Variants in DGCR2 observed in about 807,000 individuals in gnomAD.
The protein encoded by DGCR2 is DiGeorge syndrome critical region gene 2.
DGCR2 carries 24 observed loss-of-function variants against 51.6 expected under a neutral mutation model. That is an observed-to-expected ratio of 0.47 (90% CI 0.34 to 0.65). The LOEUF (loss-of-function observed/expected upper bound fraction) is 0.65, where lower values mean the gene tolerates loss of function less well. DGCR2 is among the 30% of genes least tolerant of loss of function. The probability of loss-of-function intolerance (pLI) is 0.01; values close to 1 mark genes in which losing one functional copy is unlikely to be tolerated. For missense variants in DGCR2, 765 were observed against 772.1 expected, an observed-to-expected ratio of 0.99 and a Z score of 0.11; for synonymous variants, 340 against 315.4, an observed-to-expected ratio of 1.08 and a Z score of -0.82.
Position 19,041,138 on chromosome 22 carries a change from G to A in DGCR2, c.1316C>T (p.Pro439Leu), listed in dbSNP as rs753298077. Residue 439 changes from proline to leucine, a missense_variant, in exon 9 of 10, where the codon CCG becomes CTG. This residue lies in a region of DGCR2 where 205 missense variants were observed against 181.4 expected (regional missense o/e 1.13). Transcript: ENST00000263196. The part of the protein sequence containing the change: ...PPPPYTAYKY[P>L]DIGQPDDPPP... ...AGGGTCGTCGGGCTGGCCGATGTCC[G>A]GGTACTTGTATGCCGTGTAGGGAGG... The A allele has an allele frequency of 1.5e-5, 25 of 1,613,888 alleles. No homozygotes were observed. The highest frequency in any genetic ancestry group is 3.3e-5 in the South Asian group (3 of 91,074).
At chr22:19,101,465 G>A (rs1402433458) in intron 1 of DGCR2, among the ~76,000 whole-genome samples, 1 of 152,124 alleles carries the variant, frequency 6.6e-6, no homozygotes, top group East Asian at 1.9e-4. Flanking sequence ...GTGGGGCCTG[G>A]CATGGTGGCT....
At chr22:19,049,655 T>C (rs1312853868) in intron 6 of DGCR2, among the ~76,000 whole-genome samples, 4 of 151,990 alleles carry the variant, frequency 2.6e-5, no homozygotes, top group South Asian at 2.1e-4. Context: ...GGCAAAACCC[T>C]GTCTCCACTA....
chr22:19,076,879 G>A (rs934556412), intron 2 of DGCR2, among the ~76,000 whole-genome samples: 4 of 151,478 alleles, frequency 2.6e-5, no homozygotes, highest in Admixed American at 6.6e-5. Flanking sequence ...TAAGGCGCCC[G>A]CCACCACACC....
chr22:19,086,879 C>T (rs114757200), intron 2 of DGCR2, among the ~76,000 whole-genome samples: 336 of 152,264 alleles, frequency 2.2e-3, no homozygotes, highest in African/African-American at 7.7e-3. Context: ...GTCTTCAGAG[C>T]GTGGAAAGAT....
intron 9 of DGCR2, among the ~76,000 whole-genome samples, chr22:19,039,564 G>A (rs769796318): frequency 3.9e-5 from 6 of 152,180 alleles, no homozygotes; most frequent in African/African-American, 9.7e-5. Context: ...GAACATTCAG[G>A]GCTGCAGCTG....
chr22:19,067,938 G>A (rs117349060), intron 3 of DGCR2, among the ~76,000 whole-genome samples, 162 bp downstream of exon 3: 2,131 of 152,302 alleles, frequency 0.014, 42 homozygotes, highest in South Asian at 0.06. Flanking sequence ...CCAGCGCTGG[G>A]TGACTGCGGG....
chr22:19,095,333 G>C (rs1400879158), intron 1 of DGCR2, among the ~76,000 whole-genome samples: 1 of 151,984 alleles, frequency 6.6e-6, no homozygotes, highest in Non-Finnish European at 1.5e-5. Context: ...CTGCTCTTCA[G>C]CCTAGGCAAC....
Position 19,063,195 on chromosome 22 carries a change from G to A in DGCR2, c.625+7C>T. ...TTCAAACACTCCCACACACCAGAAG[G>A]GCTCACCTTTGAATGCCACCTCCCA... On this transcript the variant is annotated splice_region_variant and intron_variant, in intron 5 of 9. Transcript: ENST00000263196. The A allele has an allele frequency of 1.9e-6, 3 of 1,613,858 alleles. No individual in the cohort carries two copies. Among genetic ancestry groups the A allele is most frequent in the Non-Finnish European group, 2.5e-6 (3 of 1,179,756 alleles).
intron 2 of DGCR2, among the ~76,000 whole-genome samples, chr22:19,078,884 C>T (rs1478737470): frequency 2.6e-5 from 4 of 152,174 alleles, no homozygotes; most frequent in African/African-American, 9.7e-5. Flanking sequence ...AATGAATTCA[C>T]TTGAGAAGGA....
intron 8 of DGCR2, 164 bp downstream of exon 8, chr22:19,041,643 G>A (rs2082432839): frequency 1.3e-5 from 11 of 843,030 alleles, no homozygotes; most frequent in Non-Finnish European, 2.0e-5. Context: ...GGAGGGTCTT[G>A]GCAAGAACTT....
In DGCR2 at chr22:19,041,862, G is replaced by A. The variant is rs533431478; in HGVS notation, c.1104C>T (p.Val368=). 2 of 1,613,388 alleles carry A rather than the reference G, an allele frequency of 1.2e-6. No homozygotes were observed. The highest frequency in any genetic ancestry group is 2.2e-5 in the East Asian group (1 of 44,868). Residue 368 remains valine (V), a synonymous_variant, in exon 8 of 10, where the codon GTC becomes GTT. Coordinates refer to ENST00000263196, the MANE Select transcript of DGCR2 (RefSeq NM_005137.3). The part of the protein sequence containing the change: ...FLILSLLLFM[V]HRLRQRRRER... Reference sequence around the variant, plus strand: ...CCCGGCGCCGCTGGCGCAGCCGGTGGACCATGAAGAGCAGCAGTGACAGGA... The same window carrying A: ...CCCGGCGCCGCTGGCGCAGCCGGTGAACCATGAAGAGCAGCAGTGACAGGA...
In DGCR2 at chr22:19,090,404, C is replaced by G. The variant is rs551728659; in HGVS notation, c.80-914G>C. Among the ~76,000 whole-genome samples the G allele has an allele frequency of 5.9e-5, 9 of 152,134 alleles. No individual in the cohort carries two copies. In the South Asian group the frequency reaches 1.9e-3, roughly 31 times the overall value. ...TTGGAATTGAATTGCTTAAAATCAGCGATAAAATCCTAAAAGCAGGCAGAA... is the reference window on the plus strand; with the variant it reads ...TTGGAATTGAATTGCTTAAAATCAGGGATAAAATCCTAAAAGCAGGCAGAA... On this transcript the variant is annotated intron_variant, in intron 1 of 9. Transcript: ENST00000263196.
intron 1 of DGCR2, among the ~76,000 whole-genome samples, chr22:19,091,309 T>C (rs1362431304): frequency 1.3e-5 from 2 of 152,166 alleles, no homozygotes; most frequent in Non-Finnish European, 2.9e-5. Flanking sequence ...CAGTGAGCTA[T>C]AATCGTGCTA....
chr22:19,110,377 G>A (rs918430495), intron 1 of DGCR2, among the ~76,000 whole-genome samples: 1 of 152,142 alleles, frequency 6.6e-6, no homozygotes, highest in Non-Finnish European at 1.5e-5. Flanking sequence ...GCAGGGGTGG[G>A]CCCTGAGGAG....
chr22:19,115,003 G>C (rs1200045391), intron 1 of DGCR2, among the ~76,000 whole-genome samples: 1 of 152,200 alleles, frequency 6.6e-6, no homozygotes, highest in Non-Finnish European at 1.5e-5. Flanking sequence ...CTACAGGGAG[G>C]GACCTGTAGG....
At chr22:19,095,874 A>G (rs929296562) in intron 1 of DGCR2, among the ~76,000 whole-genome samples, 1 of 152,198 alleles carries the variant, frequency 6.6e-6, no homozygotes, top group African/African-American at 2.4e-5. Context: ...CTGAAGAACT[A>G]AATTGAATCA....
chr22:19,103,010 C>T (rs1389630270), intron 1 of DGCR2, among the ~76,000 whole-genome samples: 1 of 151,836 alleles, frequency 6.6e-6, no homozygotes, highest in African/African-American at 2.4e-5. Flanking sequence ...GACCCTGTCT[C>T]TAAAAAAGAT....
intron 1 of DGCR2, among the ~76,000 whole-genome samples, chr22:19,103,739 T>TTA (rs372345412): frequency 5.1e-5 from 4 of 78,714 alleles, no homozygotes; most frequent in Admixed American, 1.6e-4. Context: ...AAAAAATTCT[T>TTA]AAAAAAAAAA....
intron 1 of DGCR2, among the ~76,000 whole-genome samples, chr22:19,100,664 T>TAA (rs34517547): frequency 0.038 from 5,441 of 144,684 alleles, 300 homozygotes; most frequent in African/African-American, 0.13. Context: ...AGACTCCGTT[T>TAA]AAAAAAAAAA....
Sources: gnomAD v4.1 joint callset for allele counts (sites outside exome capture counted in the v4.1 genomes callset) on GRCh38, gnomAD v4.1.1 for gene constraint, gnomAD v4.1.1 regional missense constraint, MANE v1.5 for transcripts, NCBI Gene and HGNC (gene_info 2026-07-23, HGNC 2026-07-21) for gene names.